Variants in RBFOX1 observed in about 807,000 individuals in gnomAD.
RBFOX1 encodes RNA binding protein fox-1 homolog 1.
RBFOX1 carries 8 observed loss-of-function variants against 57.7 expected under a neutral mutation model. That is an observed-to-expected ratio of 0.14 (90% CI 0.08 to 0.25). RBFOX1 has a LOEUF of 0.25. Among genes scored for constraint, RBFOX1 ranks in the 10% least tolerant of loss-of-function variants. The pLI, the probability that RBFOX1 is intolerant of heterozygous loss-of-function variation, is 1.00. For synonymous variants in RBFOX1, 326 were observed against 222.4 expected, an observed-to-expected ratio of 1.47 and a Z score of -4.15; for missense variants, 611 against 548.5, an observed-to-expected ratio of 1.11 and a Z score of -1.14.
chr16:6,635,197 A>T (rs1390156033), intron 2 of RBFOX1, among the ~76,000 whole-genome samples: 1 of 149,028 alleles, frequency 6.7e-6, no homozygotes. Context: ...ATTACATAAT[A>T]TGTACATATT....
chr16:6,385,931 TTTTC>T (rs140713713), intron 2 of RBFOX1, among the ~76,000 whole-genome samples: 58,322 of 147,452 alleles, frequency 0.4, 11,705 homozygotes, highest in South Asian at 0.69. Flanking sequence ...CATTTCTTTT[TTTTC>T]TTTCTTTTTT....
intron 1 of RBFOX1, among the ~76,000 whole-genome samples, chr16:6,077,283 A>G (rs978418479): frequency 5.9e-5 from 9 of 151,552 alleles, no homozygotes; most frequent in African/African-American, 2.2e-4. Flanking sequence ...TTGGCCAGGT[A>G]GGAGCTCACA....
intron 2 of RBFOX1, among the ~76,000 whole-genome samples, chr16:6,614,229 C>CT (rs1411467810): frequency 1.3e-5 from 2 of 152,250 alleles, no homozygotes; most frequent in African/African-American, 4.8e-5. Context: ...ATACTGCCTG[C>CT]TGCAAGTAAG....
At chr16:7,593,177 C>A (rs1052090802) in intron 7 of RBFOX1, among the ~76,000 whole-genome samples, 1 of 152,114 alleles carries the variant, frequency 6.6e-6, no homozygotes. Flanking sequence ...GAAATCAAAT[C>A]ACTGGGCCAC....
intron 4 of RBFOX1, among the ~76,000 whole-genome samples, chr16:7,156,420 G>A (rs1360990636): frequency 6.6e-6 from 1 of 151,734 alleles, no homozygotes. Context: ...TGTGCGTATA[G>A]TTGTACATAC....
intron 1 of RBFOX1, among the ~76,000 whole-genome samples, chr16:6,277,776 G>A (rs2075981305): frequency 6.6e-6 from 1 of 152,016 alleles, no homozygotes; most frequent in South Asian, 2.1e-4. Flanking sequence ...GCGGTACAGA[G>A]AAGAGGGGTG....
intron 4 of RBFOX1, among the ~76,000 whole-genome samples, chr16:7,079,735 C>T (rs901888649): frequency 6.6e-6 from 1 of 151,818 alleles, no homozygotes; most frequent in Non-Finnish European, 1.5e-5. Flanking sequence ...AAGCTCTTGT[C>T]TTGATCTAGG....
intron 3 of RBFOX1, among the ~76,000 whole-genome samples, chr16:6,697,102 A>G (rs1255066392): frequency 6.6e-6 from 1 of 152,224 alleles, no homozygotes; most frequent in East Asian, 1.9e-4. Flanking sequence ...GGGGAAAGCC[A>G]AAGAAAAATC....
intron 3 of RBFOX1, among the ~76,000 whole-genome samples, chr16:5,809,979 G>A (rs1463301439): frequency 3.9e-5 from 6 of 152,212 alleles, no homozygotes; most frequent in East Asian, 1.9e-4. Context: ...TATACACCAC[G>A]GAATACTATG....
chr16:7,399,654 C>T (rs532963375), intron 4 of RBFOX1, among the ~76,000 whole-genome samples: 1 of 152,214 alleles, frequency 6.6e-6, no homozygotes, highest in East Asian at 1.9e-4. Flanking sequence ...GCATTCCCCT[C>T]TATGTCTTCT....
intron 3 of RBFOX1, among the ~76,000 whole-genome samples, chr16:6,977,332 A>T (rs934583856): frequency 1.2e-4 from 19 of 152,064 alleles, no homozygotes; most frequent in South Asian, 2.1e-4. Context: ...TGATATTATG[A>T]TCTTTGAAGC....
intron 3 of RBFOX1, among the ~76,000 whole-genome samples, chr16:6,921,476 A>G (rs979901155): frequency 6.6e-6 from 1 of 152,106 alleles, no homozygotes; most frequent in Non-Finnish European, 1.5e-5. Flanking sequence ...GCCATAAACC[A>G]TGTTTACCTT....
intron 4 of RBFOX1, among the ~76,000 whole-genome samples, chr16:7,330,648 A>G: frequency 6.6e-6 from 1 of 152,032 alleles, no homozygotes; most frequent in Non-Finnish European, 1.5e-5. Flanking sequence ...GAGTAAGGGG[A>G]TATAGTTACC....
chr16:7,077,343 A>C (rs1432024662), intron 4 of RBFOX1, among the ~76,000 whole-genome samples: 1 of 152,218 alleles, frequency 6.6e-6, no homozygotes, highest in African/African-American at 2.4e-5. Context: ...TGCAAACTGC[A>C]ATGAGTTTTA....
chr16:7,019,001 C>T (rs1377165284), intron 3 of RBFOX1, among the ~76,000 whole-genome samples: 2 of 151,740 alleles, frequency 1.3e-5, no homozygotes, highest in Non-Finnish European at 2.9e-5. Flanking sequence ...AAAGAAGAAG[C>T]AAAAAGAAAG....
intron 1 of RBFOX1, among the ~76,000 whole-genome samples, chr16:5,292,014 G>A (rs1042477950): frequency 6.6e-6 from 1 of 151,130 alleles, no homozygotes; most frequent in Non-Finnish European, 1.5e-5. Flanking sequence ...TTTTTCAACA[G>A]CCAACAACTC....
chr16:5,593,738 A>G (rs1461107212), intron 2 of RBFOX1, among the ~76,000 whole-genome samples: 1 of 152,230 alleles, frequency 6.6e-6, no homozygotes, highest in African/African-American at 2.4e-5. Flanking sequence ...ATGGGCAACC[A>G]GCAGCCCTGG....
At chr16:6,848,335 C>T (rs1055928124) in intron 3 of RBFOX1, among the ~76,000 whole-genome samples, 1 of 152,092 alleles carries the variant, frequency 6.6e-6, no homozygotes, top group African/African-American at 2.4e-5. Flanking sequence ...AGAAGTTTGG[C>T]ATCTGCATTT....
chr16:7,126,416 C>T (rs955093062), intron 4 of RBFOX1: 3 of 232,344 alleles, frequency 1.3e-5, no homozygotes, highest in Admixed American at 4.1e-5. Context: ...CTGTGCAGCT[C>T]ACACAGTAAC....
Sources: allele counts gnomAD v4.1 joint callset (sites outside exome capture counted in the v4.1 genomes callset), GRCh38; gene constraint gnomAD v4.1.1; transcripts MANE v1.5; gene names NCBI Gene and HGNC (gene_info 2026-07-23, HGNC 2026-07-21).